The following ENTREP2 variants were observed in gnomAD, a reference collection of about 807,000 sequenced individuals.
ENTREP2 encodes protein ENTREP2.
At chr15:29,444,202 G>GAA in the ENTREP2 span, among the ~76,000 whole-genome samples, 2 of 142,628 alleles carry the variant, frequency 1.4e-5, no homozygotes, top group Admixed American at 6.9e-5. Flanking sequence ...AAGAAAGAAA[G>GAA]AAAGAAAGAA....
the ENTREP2 span, among the ~76,000 whole-genome samples, chr15:29,636,609 C>T: frequency 9.1e-4 from 139 of 152,326 alleles, 2 homozygotes; most frequent in Non-Finnish European, 7.5e-4. Flanking sequence ...GAAGCAAGAC[C>T]CTGATACGAC....
At chr15:29,389,527 A>G in the ENTREP2 span, among the ~76,000 whole-genome samples, 1 of 152,182 alleles carries the variant, frequency 6.6e-6, no homozygotes, top group Non-Finnish European at 1.5e-5. Flanking sequence ...GCTTCTGTGG[A>G]GCCAAGTTGG....
At chr15:29,629,655 T>TAAGAAAA in the ENTREP2 span, among the ~76,000 whole-genome samples, 2 of 150,454 alleles carry the variant, frequency 1.3e-5, no homozygotes, top group African/African-American at 5.0e-5. Context: ...GATGGCATTA[T>TAAGAAAA]AATGTTTGTT....
At chr15:29,366,435 A>C in the ENTREP2 span, among the ~76,000 whole-genome samples, 1 of 152,192 alleles carries the variant, frequency 6.6e-6, no homozygotes. Context: ...TTGAAGTATA[A>C]TTTACATAAA....
chr15:29,285,718 A>C, the ENTREP2 span, among the ~76,000 whole-genome samples: 4 of 152,334 alleles, frequency 2.6e-5, no homozygotes, highest in African/African-American at 9.6e-5. Context: ...TTATGAAGGA[A>C]GTTTAACCTC....
chr15:29,559,678 C>T, the ENTREP2 span, among the ~76,000 whole-genome samples: 1 of 152,160 alleles, frequency 6.6e-6, no homozygotes, highest in South Asian at 2.1e-4. Flanking sequence ...TCACTGCGTT[C>T]ATCATCCCAC....
At chr15:29,332,286 T>C in the ENTREP2 span, among the ~76,000 whole-genome samples, 1 of 152,194 alleles carries the variant, frequency 6.6e-6, no homozygotes, top group Non-Finnish European at 1.5e-5. Flanking sequence ...GTGACCCCAG[T>C]GTAACTCTAT....
At chr15:29,672,675 C>A in the ENTREP2 span, among the ~76,000 whole-genome samples, 1 of 152,012 alleles carries the variant, frequency 6.6e-6, no homozygotes, top group Admixed American at 6.6e-5. Context: ...TCACGCAGAG[C>A]CGGCTGCACA....
the ENTREP2 span, among the ~76,000 whole-genome samples, chr15:29,169,150 T>C: frequency 6.6e-6 from 1 of 152,248 alleles, no homozygotes; most frequent in Non-Finnish European, 1.5e-5. Flanking sequence ...CATGCATATA[T>C]ACATACAGAA....
chr15:29,144,562 C>T, the ENTREP2 span, among the ~76,000 whole-genome samples: 20 of 152,138 alleles, frequency 1.3e-4, no homozygotes, highest in South Asian at 3.9e-3. Context: ...GAACCTGTCT[C>T]TACAAAAAAA....
the ENTREP2 span, chr15:29,612,966 T>C: frequency 6.6e-6 from 1 of 151,838 alleles, no homozygotes; most frequent in African/African-American, 2.4e-5. Flanking sequence ...CCCACTGGAG[T>C]ATACGCAGAA....
the ENTREP2 span, among the ~76,000 whole-genome samples, chr15:29,426,140 C>T: frequency 1.3e-4 from 20 of 152,112 alleles, no homozygotes; most frequent in East Asian, 3.7e-3. Flanking sequence ...TTGTGCACTA[C>T]AAGTCATTTC....
At chr15:29,207,125 G>A in the ENTREP2 span, among the ~76,000 whole-genome samples, 7 of 152,142 alleles carry the variant, frequency 4.6e-5, no homozygotes, top group African/African-American at 7.2e-5. Context: ...AGAGCATCAA[G>A]GACTGGGCAC....
At chr15:29,490,185 T>A in the ENTREP2 span, among the ~76,000 whole-genome samples, 2 of 152,192 alleles carry the variant, frequency 1.3e-5, no homozygotes, top group African/African-American at 4.8e-5. Context: ...GGCCGGTGCA[T>A]CTGGAGTCGT....
the ENTREP2 span, among the ~76,000 whole-genome samples, chr15:29,557,387 C>T: frequency 6.6e-6 from 1 of 152,166 alleles, no homozygotes; most frequent in Non-Finnish European, 1.5e-5. Context: ...CACCTCATTC[C>T]CAGGGACGAG....
the ENTREP2 span, chr15:29,570,056 C>CA: frequency 7.8e-6 from 1 of 128,154 alleles, no homozygotes; most frequent in African/African-American, 2.9e-5. Context: ...ACCCCACCCC[C>CA]CACCCCCACC....
the ENTREP2 span, among the ~76,000 whole-genome samples, chr15:29,423,422 C>T: frequency 6.6e-6 from 1 of 152,058 alleles, no homozygotes; most frequent in Non-Finnish European, 1.5e-5. Flanking sequence ...GTAAAATTCA[C>T]CCACACCACC....
the ENTREP2 span, among the ~76,000 whole-genome samples, chr15:29,433,597 T>C: frequency 6.6e-6 from 1 of 152,128 alleles, no homozygotes; most frequent in African/African-American, 2.4e-5. Context: ...TTTAGTCAAA[T>C]TTGGCTCTTG....
At chr15:29,614,119 G>C in the ENTREP2 span, 1 of 153,234 alleles carries the variant, frequency 6.5e-6, no homozygotes, top group African/African-American at 2.4e-5. Context: ...GCAACAGCGC[G>C]GCCACCCAGA....
Sources: gnomAD v4.1 joint callset for allele counts (sites outside exome capture counted in the v4.1 genomes callset) on GRCh38, gnomAD v4.1.1 for gene constraint, MANE v1.5 for transcripts, NCBI Gene and HGNC (gene_info 2026-07-23, HGNC 2026-07-21) for gene names.